Variants in PPAT observed in about 807,000 individuals in gnomAD.
PPAT encodes the protein phosphoribosyl pyrophosphate amidotransferase, also known as amidophosphoribosyltransferase.
In PPAT, 20 loss-of-function variants were observed where a neutral mutation model predicts 60.2. That is an observed-to-expected ratio of 0.33 (90% CI 0.23 to 0.48). The LOEUF is 0.48. PPAT is among the 20% of genes least tolerant of loss of function. PPAT has a pLI of 0.99. For synonymous variants in PPAT, 194 were observed against 215.1 expected (o/e 0.90, Z 0.86); for missense variants, 349 against 629.6 (o/e 0.55, Z 4.77).
chr4:56,406,471 G>A, intron 3 of PPAT, 24 bp downstream of exon 3: 1 of 1,596,640 alleles, frequency 6.3e-7, no homozygotes. Flanking sequence ...AAAAGGCCTA[G>A]GGAAAACAAA....
intron 9 of PPAT, among the ~76,000 whole-genome samples, chr4:56,398,518 C>T (rs1444670707): frequency 2.7e-5 from 4 of 150,930 alleles, no homozygotes; most frequent in Non-Finnish European, 4.4e-5. Flanking sequence ...GAGATCACTT[C>T]GGCTCACTGC....
At chr4:56,408,753 CAAAA>C (rs35367469) in intron 1 of PPAT, among the ~76,000 whole-genome samples, 42 of 132,910 alleles carry the variant, frequency 3.2e-4, no homozygotes, top group Admixed American at 8.8e-4. Flanking sequence ...GATTCCGTTT[CAAAA>C]AAAAAAAAAA....
chr4:56,402,849 G>T (rs4865096), intron 5 of PPAT, among the ~76,000 whole-genome samples, 191 bp downstream of exon 5: 2 of 36,798 alleles, frequency 5.4e-5, no homozygotes, highest in South Asian at 1.2e-3. Flanking sequence ...AAAAAAAAAA[G>T]GGGGGGGACT....
chr4:56,428,124 C>G lies in PPAT; in HGVS notation c.128+7226G>C, dbSNP rs1392890077. 2.0e-5 allele frequency among the ~76,000 whole-genome samples: 3 copies of G among 152,140 alleles called. 1 individual carries two copies. Among genetic ancestry groups the G allele is most frequent in the Non-Finnish European group, 4.4e-5 (3 of 68,028 alleles). ...AATATGGACACAAAATTTCTTTTGACTCATATTGAAGTTATTATTGTATTC... is the reference window on the plus strand; with the variant it reads ...AATATGGACACAAAATTTCTTTTGAGTCATATTGAAGTTATTATTGTATTC... On this transcript the variant is annotated intron_variant, in intron 1 of 10. Coordinates refer to ENST00000264220, the MANE Select transcript of PPAT (RefSeq NM_002703.5).
chr4:56,412,949 T>G (rs1716537637), intron 1 of PPAT, among the ~76,000 whole-genome samples: 1 of 152,204 alleles, frequency 6.6e-6, no homozygotes, highest in African/African-American at 2.4e-5. Flanking sequence ...TACCCAAGAT[T>G]AATCATGGTC....
intron 1 of PPAT, among the ~76,000 whole-genome samples, chr4:56,426,484 C>G (rs986429436): frequency 6.6e-6 from 1 of 152,144 alleles, no homozygotes; most frequent in African/African-American, 2.4e-5. Flanking sequence ...CAACCACTAA[C>G]CAACTTTCTG....
At chr4:56,405,316 T>C (rs900653694) in intron 3 of PPAT, among the ~76,000 whole-genome samples, 1 of 152,200 alleles carries the variant, frequency 6.6e-6, no homozygotes, top group Non-Finnish European at 1.5e-5. Context: ...TTTTGTGATA[T>C]GTAAGAAGAT....
chr4:56,433,698 T>TG (rs1717729504), intron 1 of PPAT, among the ~76,000 whole-genome samples: 2 of 83,682 alleles, frequency 2.4e-5, no homozygotes, highest in African/African-American at 4.5e-5. Flanking sequence ...AAATAACAAC[T>TG]GTTTTTTTTT....
chr4:56,417,842 G>GT (rs35004501), intron 1 of PPAT, among the ~76,000 whole-genome samples: 5,765 of 136,066 alleles, frequency 0.042, 147 homozygotes, highest in Non-Finnish European at 0.063. Flanking sequence ...TTGGTTTTTT[G>GT]TTTTTTTTTT....
chr4:56,413,150 G>GTCT (rs76982992), intron 1 of PPAT, among the ~76,000 whole-genome samples: 1 of 151,138 alleles, frequency 6.6e-6, no homozygotes, highest in Admixed American at 6.6e-5. Context: ...TCTTGTTTTT[G>GTCT]GTTTTTGGTT....
chr4:56,432,166 A>G (rs1256664957), intron 1 of PPAT, among the ~76,000 whole-genome samples: 1 of 152,204 alleles, frequency 6.6e-6, no homozygotes, highest in Non-Finnish European at 1.5e-5. Flanking sequence ...ATTATACCCA[A>G]GACAAAAAAC....
At position 56,433,199 on chromosome 4, in the gene PPAT, C is replaced by T. The variant is rs531377342; in HGVS notation, c.128+2151G>A. ...TGAATTGATTATGGGTGAGAACCAG[C>T]CCTCTTTGTGCACCTTAATGATTCT... On this transcript the variant is annotated intron_variant, in intron 1 of 10. Transcript: ENST00000264220. 7.9e-5 allele frequency among the ~76,000 whole-genome samples: 12 copies of T among 151,632 alleles called. No individual in the cohort carries two copies. In the East Asian group the frequency reaches 1.9e-3, roughly 25 times the overall value.
intron 1 of PPAT, among the ~76,000 whole-genome samples, chr4:56,417,392 A>G (rs1173077324): frequency 6.6e-6 from 1 of 152,218 alleles, no homozygotes; most frequent in African/African-American, 2.4e-5. Flanking sequence ...CTTAAAACTC[A>G]TGAACCTGAC....
chr4:56,419,833 G>A (rs1716950735), intron 1 of PPAT: 2 of 983,784 alleles, frequency 2.0e-6, no homozygotes, highest in African/African-American at 1.7e-5. Context: ...GACAGAGACT[G>A]GAAACAGTGC....
chr4:56,413,963 A>G (rs534825899), intron 1 of PPAT, among the ~76,000 whole-genome samples: 1 of 152,340 alleles, frequency 6.6e-6, no homozygotes, highest in African/African-American at 2.4e-5. Context: ...GCCTATAATG[A>G]TATACAAATT....
intron 1 of PPAT, among the ~76,000 whole-genome samples, chr4:56,433,084 T>C (rs1224101001): frequency 1.3e-5 from 2 of 151,638 alleles, no homozygotes; most frequent in Non-Finnish European, 2.9e-5. Context: ...CAGCAGATAA[T>C]TGTATTTCCA....
At chr4:56,406,448 T>A (rs528837775) in intron 3 of PPAT, 47 bp downstream of exon 3, 1 of 1,556,450 alleles carries the variant, frequency 6.4e-7, no homozygotes, top group South Asian at 1.1e-5. Flanking sequence ...CATTAACCCA[T>A]CCTAATCATT....
chr4:56,405,974 G>A (rs1216943604), intron 3 of PPAT, among the ~76,000 whole-genome samples: 1 of 152,148 alleles, frequency 6.6e-6, no homozygotes, highest in Non-Finnish European at 1.5e-5. Flanking sequence ...TTCTGGGACT[G>A]AGCCCTTAAC....
chr4:56,430,197 T>C (rs1041753630), intron 1 of PPAT, among the ~76,000 whole-genome samples: 5 of 152,162 alleles, frequency 3.3e-5, no homozygotes, highest in African/African-American at 7.2e-5. Flanking sequence ...TTTTGAAAAA[T>C]TGCATGTCTC....
Sources: gnomAD v4.1 joint callset for allele counts (sites outside exome capture counted in the v4.1 genomes callset) on GRCh38, gnomAD v4.1.1 for gene constraint, MANE v1.5 for transcripts, NCBI Gene and HGNC (gene_info 2026-07-23, HGNC 2026-07-21) for gene names.